PBX1: variants seen among roughly 807,000 people sequenced by gnomAD.
PBX1 encodes PBX homeobox 1, also known as pre-B-cell leukemia transcription factor 1.
PBX1 carries 6 observed loss-of-function variants against 53.4 expected under a neutral mutation model. That is an observed-to-expected ratio of 0.11 (90% confidence interval 0.06 to 0.22). The LOEUF is 0.22. Ranked by LOEUF, PBX1 falls within the 10% of genes least tolerant of loss-of-function variation. PBX1 has a pLI of 1.00. For missense variants in PBX1, 251 were observed against 551.4 expected (o/e 0.46, Z 5.46); for synonymous variants, 204 against 212.3 (o/e 0.96, Z 0.34).
In PBX1 at chr1:164,680,985, C is replaced by T. The variant is rs151059939; in HGVS notation, c.266-111509C>T. Among the ~76,000 whole-genome samples the T allele has an allele frequency of 4.6e-5, 7 of 152,184 alleles. No individual in the cohort carries two copies. The East Asian group carries it at 7.7e-4, about 17-fold the overall frequency. On this transcript the variant is annotated intron_variant, in intron 2 of 8. Coordinates refer to ENST00000420696, the MANE Select transcript of PBX1 (RefSeq NM_002585.4). Reference sequence around the variant, plus strand: ...TTTTAATTTAAAACCCTTTCCTGGCCAGGAATGGTGGCTCATGCCTGTAAT... The same window carrying T: ...TTTTAATTTAAAACCCTTTCCTGGCTAGGAATGGTGGCTCATGCCTGTAAT...
intron 2 of PBX1, among the ~76,000 whole-genome samples, chr1:164,592,809 C>G (rs568966438): frequency 1.2e-4 from 19 of 152,294 alleles, no homozygotes; most frequent in Non-Finnish European, 2.2e-4. Context: ...GGCTCCCACG[C>G]GCTGGCCTTG....
At chr1:164,618,305 G>A (rs547347226) in intron 2 of PBX1, among the ~76,000 whole-genome samples, 9 of 150,840 alleles carry the variant, frequency 6.0e-5, no homozygotes, top group African/African-American at 1.7e-4. Flanking sequence ...GGCGGGGGGG[G>A]GGGGGCACTC....
Position 164,851,525 on chromosome 1 carries a change from CTT to C in PBX1, c.*4850_*4851del, listed in dbSNP as rs1671840874. ...ATTCAATGTTTTTCTCCTTTTCTCTCTTATTACTTCTTTCCTTTGGCATTTTC... is the reference window on the plus strand; with the variant it reads ...ATTCAATGTTTTTCTCCTTTTCTCTCATTACTTCTTTCCTTTGGCATTTTC... On this transcript the variant is annotated 3_prime_UTR_variant, in exon 9 of 9. Coordinates refer to ENST00000420696, the MANE Select transcript of PBX1 (RefSeq NM_002585.4). 1 of 187,138 alleles carries C rather than the reference CTT, an allele frequency of 5.3e-6. No homozygotes were observed. The highest frequency in any genetic ancestry group is 1.1e-5 in the Non-Finnish European group (1 of 88,916). The allele number at this position is 187,138 out of a possible 1,614,324, so 11.6% of individuals were successfully genotyped here.
In PBX1 at chr1:164,559,873, C is replaced by T. The variant is rs1057295149; in HGVS notation, c.51C>T (p.Ala17=). ...ATTCCCATGCTGGGGTCGGGATGGC[C>T]GGACACCCCGGCCTGTCCCAGCACT... ...LMHSHAGVGM[A]GHPGLSQHLQ... Residue 17 remains alanine, a synonymous_variant, in exon 1 of 9, where the codon GCC becomes GCT. Coordinates refer to ENST00000420696, the MANE Select transcript of PBX1 (RefSeq NM_002585.4). 1.3e-6 allele frequency: 2 copies of T among 1,549,992 alleles called. No homozygotes were observed. Among genetic ancestry groups the T allele is most frequent in the Admixed American group, 2.0e-5 (1 of 50,954 alleles).
chr1:164,671,486 G>A (rs184791660), intron 2 of PBX1, among the ~76,000 whole-genome samples: 247 of 152,242 alleles, frequency 1.6e-3, no homozygotes, highest in Non-Finnish European at 2.7e-3. Flanking sequence ...GCATGTGCCT[G>A]CCTGGAGCTG....
At chr1:164,834,616 A>T (rs1670943499) in intron 8 of PBX1, among the ~76,000 whole-genome samples, 1 of 152,162 alleles carries the variant, frequency 6.6e-6, no homozygotes, top group Non-Finnish European at 1.5e-5. Flanking sequence ...AAGTGGTGGG[A>T]TTACAGGCGT....
chr1:164,707,450 AGAGAG>A (rs879905807), intron 2 of PBX1, among the ~76,000 whole-genome samples: 24,610 of 143,146 alleles, frequency 0.17, 2,079 homozygotes, highest in Middle Eastern at 0.21. Flanking sequence ...AGAGAGAGAG[AGAGAG>A]AAAGTGCTGA....
chr1:164,720,173 G>A (rs937637536), intron 2 of PBX1, among the ~76,000 whole-genome samples: 1 of 152,168 alleles, frequency 6.6e-6, no homozygotes, highest in Non-Finnish European at 1.5e-5. Context: ...TTATTGTAAA[G>A]ACAGGGGAAA....
At position 164,712,200 on chromosome 1, in the gene PBX1, A is replaced by G. The variant is rs550800295; in HGVS notation, c.266-80294A>G. Among the ~76,000 whole-genome samples, 459 of 128,940 alleles carry G rather than the reference A, an allele frequency of 3.6e-3. 2 individuals are homozygous for G. Among genetic ancestry groups the G allele is most frequent in the Non-Finnish European group, 5.1e-3 (301 of 59,400 alleles). The allele number at this position is 128,940 out of a possible 152,430, so 84.6% of individuals were successfully genotyped here. ...ATTAAAAAAAAAAAAAAAAAGCCCCACTGCCAGTCGGGCAGCTCTCTGTCT... is the reference window on the plus strand; with the variant it reads ...ATTAAAAAAAAAAAAAAAAAGCCCCGCTGCCAGTCGGGCAGCTCTCTGTCT... On this transcript the variant is annotated intron_variant, in intron 2 of 8. Transcript: ENST00000420696.
At chr1:164,599,292 G>A (rs1655997877) in intron 2 of PBX1, among the ~76,000 whole-genome samples, 1 of 151,786 alleles carries the variant, frequency 6.6e-6, no homozygotes, top group African/African-American at 2.4e-5. Flanking sequence ...TACATGATGT[G>A]CAGGTATAAT....
At chr1:164,633,708 G>C (rs1329973432) in intron 2 of PBX1, among the ~76,000 whole-genome samples, 1 of 152,146 alleles carries the variant, frequency 6.6e-6, no homozygotes, top group Non-Finnish European at 1.5e-5. Flanking sequence ...TTGAATCCCA[G>C]CTCCTTCAAT....
At chr1:164,835,142 T>C (rs1040390181) in intron 8 of PBX1, among the ~76,000 whole-genome samples, 7 of 152,118 alleles carry the variant, frequency 4.6e-5, no homozygotes, top group Admixed American at 2.6e-4. Context: ...TTCTCAAGCA[T>C]AACTTTAAAT....
At chr1:164,623,526 A>G (rs1036255088) in intron 2 of PBX1, among the ~76,000 whole-genome samples, 23 of 152,040 alleles carry the variant, frequency 1.5e-4, no homozygotes, top group African/African-American at 5.6e-4. Context: ...ATTAGGTTTC[A>G]CCTTTTTACG....
chr1:164,784,399 C>T (rs890438938), intron 2 of PBX1, among the ~76,000 whole-genome samples: 4 of 152,198 alleles, frequency 2.6e-5, no homozygotes, highest in African/African-American at 2.4e-5. Context: ...CCCAGGGAGG[C>T]GCAGCGTGCC....
intron 2 of PBX1, chr1:164,770,437 C>G (rs957879799): frequency 1.3e-5 from 2 of 152,238 alleles, no homozygotes; most frequent in Non-Finnish European, 2.9e-5. Flanking sequence ...GTGAACACTT[C>G]CTTCCCTTCT....
intron 8 of PBX1, among the ~76,000 whole-genome samples, chr1:164,823,780 A>G: frequency 6.6e-6 from 1 of 152,116 alleles, no homozygotes; most frequent in East Asian, 1.9e-4. Flanking sequence ...CTCACTTTGC[A>G]TTAATTTTTT....
chr1:164,705,062 A>G (rs1236901111), intron 2 of PBX1, among the ~76,000 whole-genome samples: 1 of 152,152 alleles, frequency 6.6e-6, no homozygotes, highest in Admixed American at 6.5e-5. Context: ...CCTCAGCACT[A>G]TTGACTTTTT....
intron 2 of PBX1, among the ~76,000 whole-genome samples, chr1:164,678,214 T>C (rs950632343): frequency 6.6e-6 from 1 of 152,130 alleles, no homozygotes; most frequent in Non-Finnish European, 1.5e-5. Context: ...GTGGAACAGA[T>C]AGAGGAACAA....
chr1:164,844,627 T>C (rs1031382405), intron 8 of PBX1, among the ~76,000 whole-genome samples: 4 of 152,170 alleles, frequency 2.6e-5, no homozygotes, highest in African/African-American at 9.7e-5. Flanking sequence ...TTATTTTTAT[T>C]TTAAAAAATG....
Sources: allele counts gnomAD v4.1 joint callset (sites outside exome capture counted in the v4.1 genomes callset), GRCh38; gene constraint gnomAD v4.1.1; transcripts MANE v1.5; gene names NCBI Gene and HGNC (gene_info 2026-07-23, HGNC 2026-07-21).